CTNNA2: variants seen among roughly 807,000 people sequenced by gnomAD.
The protein encoded by CTNNA2 is catenin alpha-2.
CTNNA2 carries 42 observed loss-of-function variants against 101.0 expected under a neutral mutation model. That is an observed-to-expected ratio of 0.42 (90% CI 0.32 to 0.54). CTNNA2 has a LOEUF of 0.54. CTNNA2 is among the 20% of genes least tolerant of loss of function. The pLI is 0.14. For missense variants in CTNNA2, 871 were observed against 1,223.1 expected, an observed-to-expected ratio of 0.71 and a Z score of 4.29; for synonymous variants, 450 against 456.4, an observed-to-expected ratio of 0.99 and a Z score of 0.18.
intron 2 of CTNNA2, among the ~76,000 whole-genome samples, chr2:79,278,532 G>C (rs2104324430): frequency 6.7e-6 from 1 of 149,634 alleles, no homozygotes. Flanking sequence ...AAAAAAAAAT[G>C]TAATTGTGGG....
intron 2 of CTNNA2, among the ~76,000 whole-genome samples, chr2:79,736,442 C>G (rs1025642830): frequency 1.3e-5 from 2 of 152,128 alleles, no homozygotes; most frequent in African/African-American, 4.8e-5. Context: ...TCATTAAAAC[C>G]TGACTGAAGA....
At chr2:79,417,061 G>A (rs1678492476) in intron 4 of CTNNA2, among the ~76,000 whole-genome samples, 1 of 152,094 alleles carries the variant, frequency 6.6e-6, no homozygotes, top group Non-Finnish European at 1.5e-5. Flanking sequence ...ACCAGAAAAT[G>A]TATGCCATAA....
At chr2:80,431,697 A>G (rs970350703) in intron 9 of CTNNA2, among the ~76,000 whole-genome samples, 7 of 152,200 alleles carry the variant, frequency 4.6e-5, no homozygotes, top group Non-Finnish European at 4.4e-5. Context: ...TTGTACTCCC[A>G]TAACTTAGGT....
chr2:80,313,592 G>C (rs766377284), intron 7 of CTNNA2: 2 of 1,611,432 alleles, frequency 1.2e-6, no homozygotes, highest in Non-Finnish European at 8.5e-7. Context: ...ACTCCAGTCA[G>C]TAGGCAAAGT....
At chr2:79,531,837 A>G (rs1336446824) in intron 1 of CTNNA2, among the ~76,000 whole-genome samples, 2 of 151,898 alleles carry the variant, frequency 1.3e-5, no homozygotes, top group South Asian at 2.1e-4. Flanking sequence ...GCGTGCCACA[A>G]TGCCCACCTA....
chr2:80,589,459 C>T lies in CTNNA2; in HGVS notation c.2163C>T (p.Ile721=), dbSNP rs779474717. 2 of 1,613,894 alleles carry T rather than the reference C, an allele frequency of 1.2e-6. No individual in the cohort carries two copies. Among genetic ancestry groups the T allele is most frequent in the South Asian group, 1.1e-5 (1 of 91,052 alleles). ...TACTGGCCAAGCAGATGTGTATGAT[C>T]ATGATGGAAATGACAGACTTCACAA... The part of the protein sequence containing the change: ...IIVLAKQMCM[I]MMEMTDFTRG... The change falls in exon 15 of 19, where the codon ATC becomes ATT. Residue 721 remains isoleucine, a synonymous_variant. Transcript: ENST00000402739.
intron 2 of CTNNA2, among the ~76,000 whole-genome samples, chr2:79,668,325 T>C (rs1303389491): frequency 6.6e-6 from 1 of 151,968 alleles, no homozygotes; most frequent in Non-Finnish European, 1.5e-5. Flanking sequence ...GGAATTTCTT[T>C]CCTCATTTAT....
intron 6 of CTNNA2, among the ~76,000 whole-genome samples, chr2:79,880,000 C>T (rs978262364): frequency 6.6e-6 from 1 of 152,204 alleles, no homozygotes; most frequent in Non-Finnish European, 1.5e-5. Context: ...TCCATCAATA[C>T]TTAGTTTATT....
chr2:79,312,632 T>G (rs17016767), intron 2 of CTNNA2: 10,291 of 152,264 alleles, frequency 0.068, 456 homozygotes, highest in East Asian at 0.13. Flanking sequence ...CTAAGGTCTA[T>G]GCATTGTAGA....
chr2:80,523,178 G>GA (rs546967032), intron 9 of CTNNA2, among the ~76,000 whole-genome samples: 37 of 152,192 alleles, frequency 2.4e-4, no homozygotes, highest in African/African-American at 7.7e-4. Context: ...TTTATTTAAT[G>GA]AAAAAAACCA....
chr2:80,090,590 C>T (rs1013821898), intron 7 of CTNNA2, among the ~76,000 whole-genome samples: 5 of 152,018 alleles, frequency 3.3e-5, no homozygotes, highest in African/African-American at 1.2e-4. Context: ...GATGTGTGTT[C>T]AGTTCTTGAA....
chr2:79,365,464 T>A (rs949747925), intron 3 of CTNNA2, among the ~76,000 whole-genome samples: 2 of 148,776 alleles, frequency 1.3e-5, no homozygotes, highest in African/African-American at 4.9e-5. Flanking sequence ...TCTCTACAAA[T>A]TTTTTTTTTA....
At chr2:79,947,673 T>G (rs1156509736) in intron 7 of CTNNA2, among the ~76,000 whole-genome samples, 5 of 152,130 alleles carry the variant, frequency 3.3e-5, no homozygotes, top group African/African-American at 1.2e-4. Context: ...AAAATAAGTA[T>G]TTTCCATATA....
At chr2:79,828,723 T>C (rs1233873766) in intron 3 of CTNNA2, among the ~76,000 whole-genome samples, 2 of 152,206 alleles carry the variant, frequency 1.3e-5, no homozygotes, top group African/African-American at 4.8e-5. Context: ...CTGCCACATA[T>C]TAGCTCTGGT....
intron 3 of CTNNA2, among the ~76,000 whole-genome samples, chr2:79,760,943 C>T (rs922326779): frequency 1.6e-4 from 20 of 121,446 alleles, no homozygotes; most frequent in African/African-American, 5.8e-4. Context: ...CTCAGGTTTG[C>T]CAAAAGCCAA....
intron 4 of CTNNA2, among the ~76,000 whole-genome samples, chr2:79,471,450 G>A (rs1350028649): frequency 1.3e-5 from 2 of 152,124 alleles, no homozygotes; most frequent in African/African-American, 4.8e-5. Flanking sequence ...GAGACTGAGG[G>A]CTCTCATGGC....
At chr2:79,718,299 G>A (rs945082251) in intron 2 of CTNNA2, among the ~76,000 whole-genome samples, 4 of 152,134 alleles carry the variant, frequency 2.6e-5, no homozygotes, top group Admixed American at 2.0e-4. Context: ...AACAGAGATT[G>A]GAATGATCAT....
chr2:80,571,503 C>G (rs1694591814), intron 12 of CTNNA2, among the ~76,000 whole-genome samples: 1 of 152,152 alleles, frequency 6.6e-6, no homozygotes, highest in African/African-American at 2.4e-5. Context: ...CCTTCCATCT[C>G]AAAGGTAACT....
intron 4 of CTNNA2, among the ~76,000 whole-genome samples, chr2:79,405,947 G>C (rs1228520194): frequency 6.6e-6 from 1 of 152,008 alleles, no homozygotes; most frequent in Non-Finnish European, 1.5e-5. Flanking sequence ...AGACATAGAG[G>C]ATTACTCCTC....
Sources: gnomAD v4.1 joint callset for allele counts (sites outside exome capture counted in the v4.1 genomes callset) on GRCh38, gnomAD v4.1.1 for gene constraint, MANE v1.5 for transcripts, NCBI Gene and HGNC (gene_info 2026-07-23, HGNC 2026-07-21) for gene names.